Variants in USP4 observed in about 807,000 individuals in gnomAD.
USP4 encodes ubiquitin specific peptidase 4, also known as ubiquitin carboxyl-terminal hydrolase 4.
USP4 carries 72 observed loss-of-function variants against 118.2 expected under a neutral mutation model. The observed-to-expected ratio is 0.61, with a 90% CI of 0.50 to 0.74. The LOEUF is 0.74. Ranked by LOEUF, USP4 falls within the 30% of genes least tolerant of loss-of-function variation. USP4 has a pLI of 0.00. For missense variants in USP4, 1,037 were observed against 1,185.7 expected, an observed-to-expected ratio of 0.87 and a Z score of 1.84; for synonymous variants, 415 against 440.4, an observed-to-expected ratio of 0.94 and a Z score of 0.72.
chr3:49,305,692 C>A, intron 9 of USP4, 23 bp downstream of exon 9: 1 of 1,542,868 alleles, frequency 6.5e-7, no homozygotes, highest in East Asian at 2.3e-5. Flanking sequence ...ATACCCAACC[C>A]ATATATATAT....
chr3:49,299,639 G>A (rs995011455), intron 11 of USP4, among the ~76,000 whole-genome samples: 14 of 151,878 alleles, frequency 9.2e-5, no homozygotes, highest in Non-Finnish European at 1.8e-4. Context: ...TGATCTGCCC[G>A]CCTCGGCCTC....
intron 20 of USP4, 90 bp from the exon 21 acceptor site, chr3:49,278,992 C>A (rs2046989903): frequency 3.7e-6 from 3 of 812,882 alleles, no homozygotes; most frequent in South Asian, 2.3e-5. Flanking sequence ...ACACAAAAAT[C>A]CCCAAAACAA....
chr3:49,311,478 C>T (rs751146347), intron 7 of USP4, 36 bp downstream of exon 7: 9 of 1,606,504 alleles, frequency 5.6e-6, no homozygotes, highest in South Asian at 1.1e-5. Flanking sequence ...GAAAGGACCA[C>T]GGGAAAGGAA....
intron 10 of USP4, 100 bp downstream of exon 10, chr3:49,302,284 C>T (rs2047269663): frequency 5.8e-6 from 8 of 1,390,002 alleles, no homozygotes; most frequent in Non-Finnish European, 7.8e-6. Flanking sequence ...GCAACCAGGG[C>T]CCTGGCAACA....
intron 20 of USP4, among the ~76,000 whole-genome samples, 181 bp downstream of exon 20, chr3:49,280,559 CAAAA>C (rs371988656): frequency 3.8e-5 from 2 of 52,564 alleles, no homozygotes; most frequent in African/African-American, 7.4e-5. Context: ...GACTCCGTCT[CAAAA>C]AAAAAAAAAA....
chr3:49,292,696 T>C (rs1043329758), intron 14 of USP4, 98 bp from the exon 15 acceptor site: 15 of 780,042 alleles, frequency 1.9e-5, no homozygotes, highest in Non-Finnish European at 2.8e-5. Context: ...ATAATTTATA[T>C]GGATGATAGC....
intron 6 of USP4, 115 bp from the exon 7 acceptor site, chr3:49,311,769 T>C (rs184939398): frequency 1.5e-5 from 22 of 1,439,812 alleles, no homozygotes; most frequent in Non-Finnish European, 1.8e-5. Context: ...TTAAAATAAA[T>C]TACAAAAAGC....
At chr3:49,330,611 G>A (rs1007669796) in intron 2 of USP4, among the ~76,000 whole-genome samples, 3 of 152,068 alleles carry the variant, frequency 2.0e-5, no homozygotes, top group South Asian at 2.1e-4. Context: ...GATAACAGGC[G>A]TAAGCCACTG....
At chr3:49,282,128 G>A (rs2047037505) in intron 19 of USP4, among the ~76,000 whole-genome samples, 1 of 152,176 alleles carries the variant, frequency 6.6e-6, no homozygotes, top group South Asian at 2.1e-4. Context: ...GATACACACA[G>A]AGGGCTTCAG....
intron 9 of USP4, among the ~76,000 whole-genome samples, chr3:49,304,911 G>A (rs372042083): frequency 5.8e-4 from 88 of 151,684 alleles, no homozygotes; most frequent in Admixed American, 2.0e-3. Context: ...TTACAGGTGC[G>A]CACCACCACG....
chr3:49,278,741 A>G, intron 21 of USP4, 73 bp downstream of exon 21: 1 of 1,202,638 alleles, frequency 8.3e-7, no homozygotes, highest in Non-Finnish European at 1.2e-6. Context: ...ATAACCAACT[A>G]GCCTGATAGA....
chr3:49,311,813 T>A, intron 6 of USP4, 159 bp from the exon 7 acceptor site: 2 of 1,342,206 alleles, frequency 1.5e-6, no homozygotes, highest in Non-Finnish European at 1.9e-6. Context: ...AAACTTTATT[T>A]AAGTGAGAGT....
chr3:49,317,541 T>A (rs2047453080), intron 6 of USP4: 2 of 563,174 alleles, frequency 3.6e-6, no homozygotes, highest in East Asian at 6.1e-5. Context: ...TTTGTTTGTT[T>A]GTTTTTTTTT....
chr3:49,293,850 A>C (rs549794257), intron 14 of USP4, among the ~76,000 whole-genome samples: 1 of 152,286 alleles, frequency 6.6e-6, no homozygotes, highest in South Asian at 2.1e-4. Context: ...AAATGCCATC[A>C]AAGCGCTAGC....
intron 2 of USP4, among the ~76,000 whole-genome samples, chr3:49,334,648 G>A (rs1335745509): frequency 6.6e-6 from 1 of 152,072 alleles, no homozygotes; most frequent in Non-Finnish European, 1.5e-5. Context: ...GGAGGCTGAG[G>A]CAGGAAGATA....
chr3:49,289,101 A>G (rs1159311458), intron 15 of USP4, among the ~76,000 whole-genome samples: 2 of 152,190 alleles, frequency 1.3e-5, no homozygotes, highest in African/African-American at 4.8e-5. Flanking sequence ...ACAGAGCAAA[A>G]GAAAACAAAC....
At chr3:49,282,063 G>T (rs1259259169) in intron 19 of USP4, among the ~76,000 whole-genome samples, 2 of 151,822 alleles carry the variant, frequency 1.3e-5, no homozygotes, top group African/African-American at 2.4e-5. Flanking sequence ...AAAGAAAATG[G>T]GAGAACCTTT....
At chr3:49,308,351 A>G (rs1208767847) in intron 8 of USP4, among the ~76,000 whole-genome samples, 1 of 152,084 alleles carries the variant, frequency 6.6e-6, no homozygotes, top group Non-Finnish European at 1.5e-5. Context: ...ACAGAGTCTC[A>G]CACTGTCACC....
At chr3:49,320,486 G>A (rs2047487593) in intron 6 of USP4, among the ~76,000 whole-genome samples, 1 of 152,040 alleles carries the variant, frequency 6.6e-6, no homozygotes, top group South Asian at 2.1e-4. Context: ...TCACTCTGTC[G>A]TCCAGGCTGG....
Sources: allele counts gnomAD v4.1 joint callset (sites outside exome capture counted in the v4.1 genomes callset), GRCh38; gene constraint gnomAD v4.1.1; transcripts MANE v1.5; gene names NCBI Gene and HGNC (gene_info 2026-07-23, HGNC 2026-07-21).